The following NT5DC4 variants were observed in gnomAD, a reference collection of about 807,000 sequenced individuals.
NT5DC4 encodes 5'-nucleotidase domain-containing protein 4.
In NT5DC4, 44 loss-of-function variants were observed where a neutral mutation model predicts 26.6. The ratio of observed to expected loss-of-function variants is 1.65; its 90% CI spans 1.30 to 2.13. NT5DC4 has a LOEUF of 2.13. Among genes scored for constraint, NT5DC4 ranks in the 30% most tolerant of loss-of-function variants. NT5DC4 has a pLI of 0.00. For synonymous variants in NT5DC4, 157 were observed against 86.7 expected (o/e 1.81, Z -4.51); for missense variants, 399 against 228.1 (o/e 1.75, Z -4.83).
downstream of NT5DC4, among the ~76,000 whole-genome samples, chr2:112,740,652 G>A (rs1254177599): frequency 2.0e-5 from 3 of 152,110 alleles, no homozygotes; most frequent in Non-Finnish European, 4.4e-5. Context: ...AAAGGTAGGC[G>A]AGACCATAGG....
chr2:112,719,340 T>C (rs1454939402), upstream of NT5DC4, among the ~76,000 whole-genome samples: 1 of 152,234 alleles, frequency 6.6e-6, no homozygotes, highest in African/African-American at 2.4e-5. Context: ...CCTGGCTTTG[T>C]CAAGGAAGGA....
intron 8 of NT5DC4, 120 bp downstream of exon 8, chr2:112,723,588 G>A (rs1677265081): frequency 1.5e-6 from 1 of 682,372 alleles, no homozygotes; most frequent in Non-Finnish European, 2.7e-6. Context: ...GATGGCTGGG[G>A]ATCTTTCTAT....
intron 15 of NT5DC4, among the ~76,000 whole-genome samples, chr2:112,728,641 C>T (rs530952485): frequency 6.6e-6 from 1 of 152,318 alleles, no homozygotes; most frequent in African/African-American, 2.4e-5. Flanking sequence ...GCCTTCCAGA[C>T]GTTTGAGAGG....
At chr2:112,740,638 G>C (rs903952517), downstream of NT5DC4, among the ~76,000 whole-genome samples, 8 of 152,170 alleles carry the variant, frequency 5.3e-5, no homozygotes, top group African/African-American at 1.9e-4. Context: ...ACAAATGAGA[G>C]TGAAAAGGTA....
upstream of NT5DC4, among the ~76,000 whole-genome samples, chr2:112,719,900 TTCTTTTTCTTTCTTTCTTTCTTTC>T (rs1558714325): frequency 1.3e-3 from 146 of 108,844 alleles, 2 homozygotes; most frequent in African/African-American, 5.0e-3. Context: ...CTTTCTTTCT[TTCTTTTTCTTTCTTTCTTTCTTTC>T]TCTTTCTTTC....
intron 16 of NT5DC4, chr2:112,737,993 T>G (rs1011880362): frequency 6.6e-6 from 1 of 152,180 alleles, no homozygotes; most frequent in Non-Finnish European, 1.5e-5. Context: ...GGTAAAACCT[T>G]TCCACAAATA....
At chr2:112,729,428 T>A (rs1678195675) in intron 15 of NT5DC4, among the ~76,000 whole-genome samples, 199 bp from the exon 16 acceptor site, 1 of 152,258 alleles carries the variant, frequency 6.6e-6, no homozygotes. Context: ...GGCCTTGGCC[T>A]GGGATTTTTG....
At chr2:112,740,951 C>G, downstream of NT5DC4, 3 of 1,613,814 alleles carry the variant, frequency 1.9e-6, no homozygotes, top group Non-Finnish European at 1.7e-6. Flanking sequence ...ATCTTCTTGG[C>G]CAGCTCTTCC....
In NT5DC4 at chr2:112,726,702, G is replaced by A; in HGVS notation, c.1230G>A (p.Glu410=). ...IYQHMDGSSC[E]LQVINFTKRE... Reference sequence around the variant, plus strand: ...GGCACATGGATGGGAGCAGTTGTGAGCTGCAAGTCATCAACTTCACCAAGA... The same window carrying A: ...GGCACATGGATGGGAGCAGTTGTGAACTGCAAGTCATCAACTTCACCAAGA... Residue 410 remains glutamate, a synonymous_variant, in exon 15 of 17, where the codon GAG becomes GAA. Transcript: ENST00000688554. 1 of 717,544 alleles carries A rather than the reference G, an allele frequency of 1.4e-6. No individual in the cohort carries two copies. Among genetic ancestry groups the A allele is most frequent in the Non-Finnish European group, 2.6e-6 (1 of 385,106 alleles). 44.4% of individuals were successfully genotyped at this position (717,544 alleles called of 1,614,324 possible).
At chr2:112,730,135 A>G (rs1323616887) in intron 16 of NT5DC4, among the ~76,000 whole-genome samples, 2 of 152,022 alleles carry the variant, frequency 1.3e-5, no homozygotes, top group African/African-American at 4.8e-5. Context: ...CAACATGGTG[A>G]AAACCCGTCT....
upstream of NT5DC4, among the ~76,000 whole-genome samples, chr2:112,719,950 CTTTCTTTCT>C (rs1558715138): frequency 9.0e-6 from 1 of 110,766 alleles, no homozygotes; most frequent in Non-Finnish European, 1.8e-5. Flanking sequence ...TTCTTTCTTT[CTTTCTTTCT>C]TTCTTTCTTT....
downstream of NT5DC4, chr2:112,742,394 T>C (rs775805935): frequency 8.4e-6 from 6 of 717,384 alleles, no homozygotes; most frequent in South Asian, 8.9e-5. Flanking sequence ...CTTAAGGCAT[T>C]TCTCCTTTCT....
chr2:112,742,697 TA>T, downstream of NT5DC4: 1 of 1,556,582 alleles, frequency 6.4e-7, no homozygotes, highest in Non-Finnish European at 8.8e-7. Context: ...AATTCAAAAA[TA>T]ATAGTACCTT....
At position 112,722,202 on chromosome 2, in the gene NT5DC4, C is replaced by A. The variant is rs1676969849; in HGVS notation, c.286C>A (p.Leu96Ile). 1 of 716,860 alleles carries A rather than the reference C, an allele frequency of 1.4e-6. No individual in the cohort carries two copies. The highest frequency in any genetic ancestry group is 1.7e-5 in the African/African-American group (1 of 57,238). 44.4% of individuals were successfully genotyped at this position (716,860 alleles called of 1,614,324 possible). A position where few individuals can be genotyped will look rare whatever the true frequency, so the allele number is the denominator to read the frequency against. Residue 96 changes from leucine to isoleucine, a missense_variant, in exon 4 of 17, where the codon CTC becomes ATC. Coordinates refer to ENST00000688554, the MANE Select transcript of NT5DC4 (RefSeq NM_001393655.1). ...FPTRRLVFDELYGNLLKVDAH... is the reference protein window; with the variant it reads ...FPTRRLVFDEIYGNLLKVDAH... ...CTGCAGGCGGCTGGTGTTCGATGAA[C>A]TCTATGGGAACCTGCTGAAGGTGGA...
At chr2:112,719,904 T>TTCTC (rs1220158866), upstream of NT5DC4, among the ~76,000 whole-genome samples, 1 of 98,660 alleles carries the variant, frequency 1.0e-5, no homozygotes, top group Non-Finnish European at 2.0e-5. Context: ...CTTTCTTTCT[T>TTCTC]TTTCTTTCTT....
chr2:112,728,701 G>A (rs1678081428), intron 15 of NT5DC4, among the ~76,000 whole-genome samples: 1 of 152,204 alleles, frequency 6.6e-6, no homozygotes. Flanking sequence ...TGGGCTGGGT[G>A]CTTTTCATCG....
upstream of NT5DC4, among the ~76,000 whole-genome samples, chr2:112,719,309 G>A (rs1676618091): frequency 6.6e-6 from 1 of 152,186 alleles, no homozygotes; most frequent in Non-Finnish European, 1.5e-5. Flanking sequence ...TCGTTCCGCA[G>A]CACACAACTG....
At chr2:112,723,397 G>T (rs764664227) in intron 7 of NT5DC4, 21 bp from the exon 8 acceptor site, 1 of 368,596 alleles carries the variant, frequency 2.7e-6, no homozygotes, top group South Asian at 2.9e-5. Flanking sequence ...ACACACACAG[G>T]CACTTTGCTC....
chr2:112,731,486 GCTATATATTGC>G (rs1335696030), intron 16 of NT5DC4: 1 of 152,060 alleles, frequency 6.6e-6, no homozygotes, highest in East Asian at 1.9e-4. Flanking sequence ...AACCTGATTG[GCTATATATTGC>G]CTCACTAACT....
Sources: gnomAD v4.1 joint callset for allele counts (sites outside exome capture counted in the v4.1 genomes callset) on GRCh38, gnomAD v4.1.1 for gene constraint, MANE v1.5 for transcripts, NCBI Gene and HGNC (gene_info 2026-07-23, HGNC 2026-07-21) for gene names.